The following ZNF385D variants were observed in gnomAD, a reference collection of about 807,000 sequenced individuals.
ZNF385D encodes the protein zinc finger protein 659.
Under a neutral mutation model 35.8 loss-of-function variants are expected in ZNF385D, and 15 were observed. That is an observed-to-expected ratio of 0.42 (90% confidence interval 0.28 to 0.64). The LOEUF is 0.64. ZNF385D is among the 30% of genes least tolerant of loss of function. The pLI, the probability that ZNF385D is intolerant of heterozygous loss-of-function variation, is 0.23. For synonymous variants in ZNF385D, 212 were observed against 186.8 expected (o/e 1.13, Z -1.10); for missense variants, 474 against 494.6 (o/e 0.96, Z 0.39).
At chr3:21,810,992 G>GTATATATATA (rs779407118) in intron 3 of ZNF385D, among the ~76,000 whole-genome samples, 102 of 114,470 alleles carry the variant, frequency 8.9e-4, no homozygotes, top group African/African-American at 1.8e-3. Context: ...GTGTGTGTGT[G>GTATATATATA]TGTGTGTATA....
chr3:21,468,796 C>T (rs1429810431), intron 4 of ZNF385D, among the ~76,000 whole-genome samples: 1 of 151,500 alleles, frequency 6.6e-6, no homozygotes, highest in Non-Finnish European at 1.5e-5. Context: ...TAGTGGTGCG[C>T]CCATAGTCTG....
rs140673805 is a variant in ZNF385D, at chr3:22,104,369, C to T, written c.325+64448G>A. On this transcript the variant is annotated intron_variant, in intron 3 of 5. Coordinates refer to the ZNF385D transcript ENST00000494108. ...TTTATTACTCGTTCACTATAATCTA[C>T]TTTGTTGATTCTTGTCACATTGCTC... 2.0e-3 allele frequency among the ~76,000 whole-genome samples: 297 copies of T among 152,072 alleles called. 1 individual carries two copies. Among genetic ancestry groups the T allele is most frequent in the African/African-American group, 6.9e-3 (286 of 41,514 alleles).
intron 2 of ZNF385D, among the ~76,000 whole-genome samples, chr3:22,352,757 C>T (rs1309481793): frequency 1.3e-5 from 2 of 152,146 alleles, no homozygotes; most frequent in African/African-American, 4.8e-5. Context: ...TGGAGGCATA[C>T]ATAGTTCTCC....
In ZNF385D at chr3:21,636,413, TAG is replaced by T. The variant is rs1553628039; in HGVS notation, c.165+28471_165+28472del. Among the ~76,000 whole-genome samples the T allele has an allele frequency of 7.5e-3, 191 of 25,594 alleles. 4 individuals are homozygous for T. The highest frequency in any genetic ancestry group is 0.012 in the Non-Finnish European group (134 of 11,210). 16.8% of individuals were successfully genotyped at this position (25,594 alleles called of 152,430 possible). On this transcript the variant is annotated intron_variant, in intron 2 of 7. Transcript: ENST00000281523. ...ATATATATATATATATATATATATA[TAG>T]AGTTTCTTAAGGAGTATTAACTCAC...
intron 3 of ZNF385D, among the ~76,000 whole-genome samples, chr3:21,905,904 T>C (rs1296340797): frequency 6.6e-6 from 1 of 152,172 alleles, no homozygotes; most frequent in Non-Finnish European, 1.5e-5. Context: ...CTGTTAATTG[T>C]TGTTTTAAAA....
At chr3:22,134,730 G>C (rs1475815176) in intron 3 of ZNF385D, among the ~76,000 whole-genome samples, 3 of 152,180 alleles carry the variant, frequency 2.0e-5, no homozygotes, top group East Asian at 1.9e-4. Flanking sequence ...AGAAGTCCAA[G>C]ATTGAGGGTC....
At chr3:22,043,306 G>A (rs186623355) in intron 3 of ZNF385D, among the ~76,000 whole-genome samples, 132 of 152,274 alleles carry the variant, frequency 8.7e-4, no homozygotes, top group Admixed American at 2.2e-3. Flanking sequence ...AGATTAGAGA[G>A]TGAATTATTA....
intron 3 of ZNF385D, among the ~76,000 whole-genome samples, chr3:22,009,323 T>A (rs114225025): frequency 0.16 from 24,962 of 151,876 alleles, 2,204 homozygotes; most frequent in Non-Finnish European, 0.19. Context: ...ATTATAAATA[T>A]TTTTTAAAAA....
In ZNF385D at chr3:21,878,252, C is replaced by T. The variant is rs772194565; in HGVS notation, c.326-213224G>A. ...ATCCAGGTGATGTAGCTCATAAAAA[C>T]GAGAGTTTGGATTTGAAAGCAAGCA... On this transcript the variant is annotated intron_variant, in intron 3 of 5. Transcript: ENST00000494108. 2.0e-5 allele frequency: 3 copies of T among 151,818 alleles called. No individual in the cohort carries two copies. The South Asian group carries it at 6.2e-4, about 32-fold the overall frequency. 9.4% of individuals were successfully genotyped at this position (151,818 alleles called of 1,614,324 possible).
At chr3:22,109,507 G>A (rs1702398782) in intron 3 of ZNF385D, among the ~76,000 whole-genome samples, 1 of 152,130 alleles carries the variant, frequency 6.6e-6, no homozygotes, top group South Asian at 2.1e-4. Context: ...CTGATGTTTG[G>A]AAATGAATAA....
intron 3 of ZNF385D, among the ~76,000 whole-genome samples, chr3:22,002,546 G>C (rs926039010): frequency 2.0e-5 from 3 of 152,088 alleles, no homozygotes; most frequent in Non-Finnish European, 4.4e-5. Flanking sequence ...TCCAAAAATT[G>C]AAGAGAAGGG....
chr3:22,162,815 G>C (rs543637828), intron 3 of ZNF385D, among the ~76,000 whole-genome samples: 2 of 152,266 alleles, frequency 1.3e-5, no homozygotes, highest in African/African-American at 4.8e-5. Flanking sequence ...AACAGAATCA[G>C]AGATGAACCT....
chr3:21,459,951 T>A (rs1353077699), intron 4 of ZNF385D, among the ~76,000 whole-genome samples: 1 of 152,198 alleles, frequency 6.6e-6, no homozygotes. Context: ...ACCTCCCATG[T>A]TGTCGCTTTA....
intron 3 of ZNF385D, among the ~76,000 whole-genome samples, chr3:22,107,026 G>GTTTTGTTTTTTTTTTTTTTTTTTTTTTTT (rs1702253045): frequency 8.4e-6 from 1 of 118,830 alleles, no homozygotes; most frequent in South Asian, 2.9e-4. Flanking sequence ...TGGAATGAGA[G>GTTTTGTTTTTTTTTTTTTTTTTTTTTTTT]TTTTTTTTTT....
At chr3:22,227,188 G>T (rs1258120616) in intron 2 of ZNF385D, among the ~76,000 whole-genome samples, 1 of 151,748 alleles carries the variant, frequency 6.6e-6, no homozygotes. Flanking sequence ...ATGTGGGGCG[G>T]GGGGGGTGTA....
intron 3 of ZNF385D, among the ~76,000 whole-genome samples, chr3:21,522,147 A>AC (rs1707946543): frequency 6.6e-6 from 1 of 152,206 alleles, no homozygotes; most frequent in African/African-American, 2.4e-5. Context: ...TGGAGAAAAA[A>AC]GAAAAAAATG....
At chr3:21,787,377 G>A (rs896992931) in intron 3 of ZNF385D, among the ~76,000 whole-genome samples, 1 of 152,170 alleles carries the variant, frequency 6.6e-6, no homozygotes, top group African/African-American at 2.4e-5. Flanking sequence ...GTGGTGAGAA[G>A]TGAAGAGCTA....
intron 2 of ZNF385D, among the ~76,000 whole-genome samples, chr3:22,360,591 T>C (rs923485323): frequency 1.3e-5 from 2 of 152,052 alleles, no homozygotes; most frequent in African/African-American, 4.8e-5. Context: ...CCAAGATTCA[T>C]GGCTGTTTAT....
chr3:21,790,003 T>G (rs886981410), intron 3 of ZNF385D, among the ~76,000 whole-genome samples: 1 of 152,134 alleles, frequency 6.6e-6, no homozygotes, highest in African/African-American at 2.4e-5. Flanking sequence ...TAGCCTCAGA[T>G]AGATGTACAT....
Sources: gnomAD v4.1 joint callset for allele counts (sites outside exome capture counted in the v4.1 genomes callset) on GRCh38, gnomAD v4.1.1 for gene constraint, MANE v1.5 for transcripts, NCBI Gene and HGNC (gene_info 2026-07-23, HGNC 2026-07-21) for gene names.